The following ASS1 variants were observed in gnomAD, a reference collection of about 807,000 sequenced individuals.
ASS1 encodes argininosuccinate synthase.
A neutral mutation model predicts 60.5 loss-of-function variants in ASS1; 58 were observed. The ratio of observed to expected loss-of-function variants is 0.96; its 90% CI spans 0.78 to 1.19. The LOEUF (loss-of-function observed/expected upper bound fraction) is 1.19. ASS1 is among the 50% of genes most tolerant of loss of function. The pLI is 0.00. For missense variants in ASS1, 454 were observed against 547.3 expected (o/e 0.83, Z 1.70); for synonymous variants, 200 against 206.9 (o/e 0.97, Z 0.29).
chr9:130,446,030 T>G (rs1434661779), intron 1 of ASS1, among the ~76,000 whole-genome samples: 1 of 152,176 alleles, frequency 6.6e-6, no homozygotes, highest in East Asian at 1.9e-4. Flanking sequence ...TTCTAAAAAT[T>G]TATCAGAGAT....
chr9:130,449,342 GAAA>G (rs55853169), intron 1 of ASS1, among the ~76,000 whole-genome samples: 4 of 91,520 alleles, frequency 4.4e-5, no homozygotes, highest in East Asian at 3.2e-4. Context: ...GACCCTGTCT[GAAA>G]AAAAAAAAAA....
chr9:130,466,474 C>A, intron 5 of ASS1: 1 of 573,636 alleles, frequency 1.7e-6, no homozygotes. Context: ...GGAACAGGGA[C>A]CCCCTTCTCA....
At chr9:130,444,769 G>C (rs912709075), upstream of ASS1, among the ~76,000 whole-genome samples, 3 of 151,920 alleles carry the variant, frequency 2.0e-5, no homozygotes, top group South Asian at 2.1e-4. The surrounding 1 kb of genome is among the most constrained non-coding windows in gnomAD (Gnocchi z 4.7). Context: ...GTGGGAGGCG[G>C]GGGGAGGTGG....
intron 11 of ASS1, among the ~76,000 whole-genome samples, chr9:130,487,969 G>C (rs1308328968): frequency 1.3e-5 from 2 of 152,026 alleles, no homozygotes; most frequent in African/African-American, 4.8e-5. Context: ...TGGCCAGGCT[G>C]GTCTTGAACT....
At chr9:130,445,330 T>C (rs1845171129) in intron 1 of ASS1, 1 of 765,460 alleles carries the variant, frequency 1.3e-6, no homozygotes, top group Non-Finnish European at 1.6e-6. Context: ...CGGATCCGGC[T>C]TCCTCTGTGT....
intron 2 of ASS1, among the ~76,000 whole-genome samples, chr9:130,453,395 A>G (rs367655079): frequency 1.8e-3 from 281 of 152,380 alleles, no homozygotes; most frequent in African/African-American, 6.3e-3. Flanking sequence ...GTTTGCCGGC[A>G]TATTGGCATG....
chr9:130,496,325 G>A (rs1038188246), intron 13 of ASS1, among the ~76,000 whole-genome samples: 2 of 152,058 alleles, frequency 1.3e-5, no homozygotes, highest in African/African-American at 2.4e-5. Context: ...GGAGGCTGAG[G>A]TGGGAGCGTC....
chr9:130,464,034 C>T, intron 4 of ASS1, 77 bp from the exon 5 acceptor site: 1 of 1,523,056 alleles, frequency 6.6e-7, no homozygotes, highest in South Asian at 1.1e-5. Flanking sequence ...CACGGGCTGT[C>T]CTTGTCCTCA....
intron 8 of ASS1, among the ~76,000 whole-genome samples, chr9:130,472,132 G>A (rs569382155): frequency 9.9e-5 from 15 of 152,272 alleles, no homozygotes; most frequent in African/African-American, 3.6e-4. Flanking sequence ...ATCTATCATG[G>A]GAAGAGAAAA....
In ASS1 at chr9:130,501,193, C is replaced by T; in HGVS notation, c.*172C>T. The stretch of plus-strand genomic sequence containing the variant: ...TCCCCCTGAAGCCTGCAAACGTTGT[C>T]ATCGAAGGGAAGGGTGGGGGGCAGC... On this transcript the variant is annotated 3_prime_UTR_variant, in exon 15 of 15. Coordinates refer to ENST00000352480, the MANE Select transcript of ASS1 (RefSeq NM_054012.4). The T allele has an allele frequency of 2.8e-6, 2 of 705,496 alleles. No homozygotes were observed. Among genetic ancestry groups the T allele is most frequent in the Non-Finnish European group, 4.9e-6 (2 of 410,638 alleles). The allele number at this position is 705,496 out of a possible 1,614,324, so 43.7% of individuals were successfully genotyped here. A position where few individuals can be genotyped will look rare whatever the true frequency, so the allele number is the denominator to read the frequency against.
chr9:130,461,038 G>A (rs1845578283), intron 4 of ASS1, among the ~76,000 whole-genome samples: 1 of 151,564 alleles, frequency 6.6e-6, no homozygotes, highest in South Asian at 2.1e-4. Flanking sequence ...AAAAGCTCCC[G>A]ACCCATCTGC....
Position 130,501,105 on chromosome 9 carries a change from T to A in ASS1, c.*84T>A. ...GCTAATTGTTGTGATAATTTGTAAT[T>A]GTGACTTGTTCTCCCCGGCTGGCAG... On this transcript the variant is annotated 3_prime_UTR_variant, in exon 15 of 15. Coordinates refer to ENST00000352480, the MANE Select transcript of ASS1 (RefSeq NM_054012.4). 2 of 1,458,286 alleles carry A rather than the reference T, an allele frequency of 1.4e-6. No individual in the cohort carries two copies. The highest frequency in any genetic ancestry group is 9.5e-7 in the Non-Finnish European group (1 of 1,051,752). The allele number at this position is 1,458,286 out of a possible 1,614,324, so 90.3% of individuals were successfully genotyped here. A position where few individuals can be genotyped will look rare whatever the true frequency, so the allele number is the denominator to read the frequency against.
In ASS1 at chr9:130,476,691, A is replaced by G; in HGVS notation, c.598-180A>G. 1 of 664,562 alleles carries G rather than the reference A, an allele frequency of 1.5e-6. No individual in the cohort carries two copies. The allele number at this position is 664,562 out of a possible 1,614,324, so 41.2% of individuals were successfully genotyped here. ...TGATTTCTCCAGCCCTTTGTTTCCC[A>G]GGCCTCTGGCAAGCGAGGCTGGTGC... On this transcript the variant is annotated intron_variant, in intron 8 of 14. Transcript: ENST00000352480. The surrounding 1 kb of genome is among the most constrained non-coding windows in gnomAD (Gnocchi z 4.9).
intron 11 of ASS1, among the ~76,000 whole-genome samples, chr9:130,482,587 G>A (rs937813898): frequency 6.6e-6 from 1 of 152,020 alleles, no homozygotes; most frequent in Admixed American, 6.6e-5. Flanking sequence ...GGGGTGGGGC[G>A]AGTCAAGCAG....
chr9:130,462,579 G>A (rs527614100), intron 4 of ASS1, among the ~76,000 whole-genome samples: 44 of 152,330 alleles, frequency 2.9e-4, no homozygotes, highest in African/African-American at 1.1e-3. Flanking sequence ...CAGCCCAGCC[G>A]TGCCTGGCTG....
chr9:130,499,336 T>C (rs1846679225), intron 13 of ASS1, among the ~76,000 whole-genome samples, 169 bp from the exon 14 acceptor site: 1 of 152,230 alleles, frequency 6.6e-6, no homozygotes, highest in African/African-American at 2.4e-5. Flanking sequence ...CAGGGTTCCC[T>C]GAGTTGTACA....
intron 5 of ASS1, among the ~76,000 whole-genome samples, chr9:130,464,913 G>A (rs141885894): frequency 5.4e-4 from 82 of 151,916 alleles, no homozygotes; most frequent in African/African-American, 2.0e-3. Context: ...GCCCAGGGCA[G>A]GGCCGAGCAG....
chr9:130,456,269 C>T (rs1233605036), intron 3 of ASS1, among the ~76,000 whole-genome samples: 2 of 152,080 alleles, frequency 1.3e-5, no homozygotes, highest in Non-Finnish European at 2.9e-5. Flanking sequence ...AGTTCAAGAC[C>T]AGCCTGGCCA....
intron 9 of ASS1, among the ~76,000 whole-genome samples, 171 bp from the exon 10 acceptor site, chr9:130,479,545 C>G (rs1846112417): frequency 6.6e-6 from 1 of 152,176 alleles, no homozygotes; most frequent in African/African-American, 2.4e-5. Context: ...CGCCCCTTCT[C>G]TCCCTGCAGC....
Sources: allele counts gnomAD v4.1 joint callset (sites outside exome capture counted in the v4.1 genomes callset), GRCh38; gene constraint gnomAD v4.1.1; non-coding constraint Gnocchi (gnomAD v3.1); transcripts MANE v1.5; gene names NCBI Gene and HGNC (gene_info 2026-07-23, HGNC 2026-07-21).